Variants in TAS1R2 observed in about 807,000 individuals in gnomAD.
The protein encoded by TAS1R2 is taste 1 receptor member 2.
In TAS1R2, 47 loss-of-function variants were observed where a neutral mutation model predicts 49.3. The ratio of observed to expected loss-of-function variants is 0.95; its 90% CI spans 0.75 to 1.22. The LOEUF is 1.22. Among genes scored for constraint, TAS1R2 ranks in the 50% most tolerant of loss-of-function variants. The probability of loss-of-function intolerance (pLI) is 0.00; values close to 1 mark genes in which losing one functional copy is unlikely to be tolerated. For synonymous variants in TAS1R2, 479 were observed against 467.9 expected, an observed-to-expected ratio of 1.02 and a Z score of -0.31; for missense variants, 1,155 against 1,122.1, an observed-to-expected ratio of 1.03 and a Z score of -0.42.
At chr1:18,857,783 T>C in intron 1 of TAS1R2, 152 bp from the exon 2 acceptor site, 1 of 812,002 alleles carries the variant, frequency 1.2e-6, no homozygotes, top group Non-Finnish European at 1.9e-6. Context: ...TTTCACCATG[T>C]CATTGTCACC....
rs868175207 is a variant in TAS1R2, at chr1:18,854,434, C to T, written c.1036G>A (p.Gly346Arg). ...CTGGTCCTGCTGAGGGGTGGCGGCC[C>T]AGCCTGTGGGCCCCACTCGCGGAAC... Residue 346 changes from glycine to arginine, a missense_variant, in exon 3 of 6, where the codon GGG becomes AGG. By Grantham distance (125) the Gly-to-Arg change is moderately radical. Coordinates refer to ENST00000375371, the Ensembl canonical transcript of TAS1R2. This position sits in a 1 kb window ranked among gnomAD's most constrained non-coding sequence, Gnocchi z 4.9. The T allele has an allele frequency of 6.2e-7, 1 of 1,614,132 alleles. No homozygotes were observed. Among genetic ancestry groups the T allele is most frequent in the Non-Finnish European group, 8.5e-7 (1 of 1,180,030 alleles).
chr1:18,841,865 G>T lies in TAS1R2; in HGVS notation c.1468-13C>A, dbSNP rs1345809573. The T allele has an allele frequency of 6.3e-7, 1 of 1,578,440 alleles. No homozygotes were observed. The highest frequency in any genetic ancestry group is 1.7e-5 in the Admixed American group (1 of 59,056). ...TGGACATAGGGATCTGGAGGGAGGA[G>T]GGCAAGAGACCCTGAGTCCTCTTTT... is the stretch of plus-strand genomic sequence containing the variant. On this transcript the variant is annotated splice_polypyrimidine_tract_variant and intron_variant, in intron 4 of 5. Transcript: ENST00000375371.
chr1:18,849,357 T>A (rs1339049709), exon 4 of TAS1R2: 1 of 1,613,950 alleles, frequency 6.2e-7, no homozygotes, highest in African/African-American at 1.3e-5. Flanking sequence ...GTTGATGGTG[T>A]GCCAGGAGAT....
intron 4 of TAS1R2, among the ~76,000 whole-genome samples, chr1:18,842,808 A>G (rs1255636188): frequency 6.6e-6 from 1 of 152,222 alleles, no homozygotes. Context: ...AGAAATGGGG[A>G]GTTGTTCAAT....
At chr1:18,839,927 T>C in exon 6 of TAS1R2, 1 of 1,614,154 alleles carries the variant, frequency 6.2e-7, no homozygotes, top group Non-Finnish European at 8.5e-7. Context: ...CAGGCTGGTG[T>C]TGAACAGCAG....
At chr1:18,855,109 G>T (rs541138679) in intron 2 of TAS1R2, 123 bp from the exon 3 acceptor site, 20 of 1,223,994 alleles carry the variant, frequency 1.6e-5, no homozygotes, top group Non-Finnish European at 2.3e-5. Flanking sequence ...GGGGTAGGTG[G>T]TTTACACCAT....
At chr1:18,840,582 TC>T (rs1207533322) in intron 5 of TAS1R2, 55 bp from the exon 6 acceptor site, 18 of 1,593,144 alleles carry the variant, frequency 1.1e-5, no homozygotes, top group Non-Finnish European at 1.5e-5. Context: ...AGCACCTGCA[TC>T]CTCCCAGCCC....
intron 4 of TAS1R2, among the ~76,000 whole-genome samples, chr1:18,848,285 T>C (rs762857714): frequency 6.6e-6 from 1 of 151,816 alleles, no homozygotes; most frequent in Non-Finnish European, 1.5e-5. Context: ...ATGGAGAAAA[T>C]GGTAGCATTT....
In TAS1R2 at chr1:18,854,720, C is replaced by T. The variant is rs146100319; in HGVS notation, c.750G>A (p.Thr250=). The T allele has an allele frequency of 2.0e-5, 33 of 1,613,008 alleles. No homozygotes were observed. In the African/African-American group the frequency reaches 3.6e-4, roughly 18 times the overall value. ...TCACCAGGCGCTGGCGCTCCTCTGACGTCATGTTCTGGTTGGGCTGCAGTG... is the reference window on the plus strand; with the variant it reads ...TCACCAGGCGCTGGCGCTCCTCTGATGTCATGTTCTGGTTGGGCTGCAGTG... Residue 250 remains threonine (T), a synonymous_variant, in exon 3 of 6, where the codon ACG becomes ACA. Transcript: ENST00000375371. The surrounding 1 kb of genome is among the most constrained non-coding windows in gnomAD (Gnocchi z 4.9).
rs578138843 is a variant in TAS1R2, at chr1:18,844,332, A to T, written c.1468-2480T>A. ...GGAGCAAGAGTGGAAGAATGGAGACAAAGTTGCTTGGGGAAAGGTATATGT... is the reference window on the plus strand; with the variant it reads ...GGAGCAAGAGTGGAAGAATGGAGACTAAGTTGCTTGGGGAAAGGTATATGT... On this transcript the variant is annotated intron_variant, in intron 4 of 5. Coordinates refer to ENST00000375371, the Ensembl canonical transcript of TAS1R2. Among the ~76,000 whole-genome samples the T allele has an allele frequency of 2.0e-5, 3 of 152,340 alleles. No homozygotes were observed. In the East Asian group the frequency reaches 5.8e-4, roughly 29 times the overall value.
chr1:18,841,749 G>A (rs1933829245), exon 5 of TAS1R2: 6 of 1,613,910 alleles, frequency 3.7e-6, no homozygotes, highest in Non-Finnish European at 5.1e-6. Context: ...GTTGAGGAAG[G>A]TGCCGGGAAG....
At chr1:18,857,614 A>G in exon 2 of TAS1R2, 1 of 1,613,370 alleles carries the variant, frequency 6.2e-7, no homozygotes, top group Non-Finnish European at 8.5e-7. Flanking sequence ...GTTGTAGCCT[A>G]TCACCTTCAC....
chr1:18,840,432 C>T lies in TAS1R2; in HGVS notation c.1687G>A (p.Glu563Lys), dbSNP rs772647148. The change falls in exon 6 of 6, where the codon GAG becomes AAG. Residue 563 changes from glutamate to lysine, a missense_variant. Transcript: ENST00000375371. ...AGGGCCACAGCGATGGTGGGTGCCT[C>T]ATGCCATTCCAGGAAGACCAGCTGC... 9 of 1,614,046 alleles carry T rather than the reference C, an allele frequency of 5.6e-6. No individual in the cohort carries two copies. In the South Asian group the frequency reaches 9.9e-5, roughly 18 times the overall value.
In TAS1R2 at chr1:18,839,714, G is replaced by GC. The variant is rs1933778662; in HGVS notation, c.2404dup (p.Ala802GlyfsTer?). ...GGGGCCGAAGTAGCCCAGGCTGATG[G>GC]CCAGGAGGTTGAGCACAGTGACCAA... On this transcript the variant is annotated frameshift_variant, in exon 6 of 6. Coordinates refer to ENST00000375371, the Ensembl canonical transcript of TAS1R2. LOFTEE classifies it high-confidence loss of function. The GC allele has an allele frequency of 6.2e-7, 1 of 1,614,106 alleles. No homozygotes were observed. The highest frequency in any genetic ancestry group is 8.5e-7 in the Non-Finnish European group (1 of 1,180,048).
rs756462385 is a variant in TAS1R2, at chr1:18,854,906, G to T, written c.564C>A (p.Asp188Glu). 6.2e-7 allele frequency: 1 copy of T among 1,613,392 alleles called. No homozygotes were observed. Among genetic ancestry groups the T allele is most frequent in the Non-Finnish European group, 8.5e-7 (1 of 1,179,796 alleles). ...GCTGCACCATGGCCTCGATGTGGTG[G>T]TCGGCGCTGGGTGTGGTACGCAGCA... The change falls in exon 3 of 6, where the codon GAC (aspartate) becomes GAA (glutamate). Residue 188 changes from aspartate to glutamate, a missense_variant. Coordinates refer to ENST00000375371, the Ensembl canonical transcript of TAS1R2. This position sits in a 1 kb window ranked among gnomAD's most constrained non-coding sequence, Gnocchi z 4.9.
In TAS1R2 at chr1:18,839,929, G is replaced by C. The variant is rs192546841; in HGVS notation, c.2190C>G (p.Phe730Leu). ...AGAGCAGCAGGTCCAGGCTGGTGTT[G>C]AACAGCAGGCTGTTGCGGTAGTTGG... is the stretch of plus-strand genomic sequence containing the variant. The change falls in exon 6 of 6, where the codon TTC (phenylalanine) becomes TTG (leucine). Residue 730 changes from phenylalanine to leucine, a missense_variant. By Grantham distance (22) the Phe-to-Leu change is conservative. Coordinates refer to ENST00000375371, the Ensembl canonical transcript of TAS1R2. The C allele has an allele frequency of 1.7e-5, 27 of 1,614,228 alleles. No homozygotes were observed. In the South Asian group the frequency reaches 2.6e-4, roughly 16 times the overall value.
intron 4 of TAS1R2, among the ~76,000 whole-genome samples, 162 bp from the exon 5 acceptor site, chr1:18,842,014 G>A (rs1382286703): frequency 1.3e-5 from 2 of 151,380 alleles, no homozygotes; most frequent in Non-Finnish European, 2.9e-5. Context: ...CATGCTTCTA[G>A]CAGGGGATAA....
chr1:18,849,659 C>G (rs1933986025), intron 3 of TAS1R2, 109 bp from the exon 4 acceptor site: 1 of 1,235,768 alleles, frequency 8.1e-7, no homozygotes, highest in African/African-American at 1.5e-5. Context: ...ATTTCCAACT[C>G]TGTAATATGG....
chr1:18,849,592 A>C (rs200302161), intron 3 of TAS1R2, 42 bp from the exon 4 acceptor site: 284 of 1,604,920 alleles, frequency 1.8e-4, no homozygotes, highest in Non-Finnish European at 2.3e-4. Flanking sequence ...TAGCATCAGA[A>C]TCTGAGCCAG....
Sources: allele counts gnomAD v4.1 joint callset (sites outside exome capture counted in the v4.1 genomes callset), GRCh38; gene constraint gnomAD v4.1.1; non-coding constraint Gnocchi (gnomAD v3.1); transcripts MANE v1.5; gene names NCBI Gene and HGNC (gene_info 2026-07-23, HGNC 2026-07-21).